The following NOS1 variants were observed in gnomAD, a reference collection of about 807,000 sequenced individuals.
NOS1 encodes the protein NOS type I.
In NOS1, 51 loss-of-function variants were observed where a neutral mutation model predicts 164.5. That is an observed-to-expected ratio of 0.31 (90% CI 0.25 to 0.39). The LOEUF is 0.39. Ranked by LOEUF, NOS1 falls within the 10% of genes least tolerant of loss-of-function variation. The pLI, the probability that NOS1 is intolerant of heterozygous loss-of-function variation, is 1.00. For synonymous variants in NOS1, 719 were observed against 745.8 expected (o/e 0.96, Z 0.59); for missense variants, 1,362 against 1,885.6 (o/e 0.72, Z 5.14).
At chr12:117,235,859 A>G (rs540534246) in intron 20 of NOS1, among the ~76,000 whole-genome samples, 13 of 152,362 alleles carry the variant, frequency 8.5e-5, no homozygotes, top group African/African-American at 2.6e-4. Context: ...CCTGGCCAAC[A>G]TGACAAAACC....
chr12:117,265,550 A>G (rs1418408505), intron 11 of NOS1, 40 bp from the exon 12 acceptor site: 6 of 1,403,778 alleles, frequency 4.3e-6, no homozygotes, highest in Non-Finnish European at 5.6e-6. Context: ...AGGTATGAGA[A>G]GCTGGGGTAT....
intron 3 of NOS1, among the ~76,000 whole-genome samples, chr12:117,304,026 G>A (rs1369407495): frequency 2.0e-5 from 3 of 152,154 alleles, no homozygotes; most frequent in Non-Finnish European, 4.4e-5. Context: ...CAAAAAATTA[G>A]CCGGGCGTGG....
intron 3 of NOS1, among the ~76,000 whole-genome samples, chr12:117,305,306 C>T (rs1874077802): frequency 6.6e-6 from 1 of 151,696 alleles, no homozygotes; most frequent in Admixed American, 6.6e-5. Flanking sequence ...ACTAAAAATA[C>T]AAAAAAAATT....
intron 1 of NOS1, among the ~76,000 whole-genome samples, chr12:117,335,516 C>T (rs1247871827): frequency 6.6e-6 from 1 of 152,080 alleles, no homozygotes; most frequent in Non-Finnish European, 1.5e-5. Context: ...GGGATGGCTG[C>T]CAATGAGAGG....
chr12:117,271,277 C>CT (rs112893883), intron 10 of NOS1, among the ~76,000 whole-genome samples: 2,403 of 141,550 alleles, frequency 0.017, 62 homozygotes, highest in African/African-American at 0.055. Flanking sequence ...ATACCGGTGG[C>CT]TTTTTTTTTT....
intron 3 of NOS1, 85 bp from the exon 4 acceptor site, chr12:117,290,511 G>C: frequency 6.7e-7 from 1 of 1,482,818 alleles, no homozygotes; most frequent in African/African-American, 1.4e-5. Context: ...GAGAGCCATT[G>C]TTCTTCCTGG....
chr12:117,341,449 A>G (rs1258961786), intron 1 of NOS1, among the ~76,000 whole-genome samples: 1 of 152,116 alleles, frequency 6.6e-6, no homozygotes, highest in Non-Finnish European at 1.5e-5. Flanking sequence ...GTTAGAATAG[A>G]TCTGGGGAAT....
chr12:117,224,925 C>CAG, intron 25 of NOS1, 91 bp downstream of exon 25: 1 of 1,533,414 alleles, frequency 6.5e-7, no homozygotes. Flanking sequence ...CGTGGAGAGA[C>CAG]ACCTTCACTG....
intron 1 of NOS1, among the ~76,000 whole-genome samples, chr12:117,359,876 T>TTTTATATATA (rs1566090779): frequency 8.1e-5 from 3 of 36,952 alleles, no homozygotes; most frequent in Non-Finnish European, 1.7e-4. Flanking sequence ...AATAATGGTT[T>TTTTATATATA]TATATATATA....
chr12:117,358,832 C>G (rs568225873), intron 1 of NOS1, among the ~76,000 whole-genome samples: 7 of 152,214 alleles, frequency 4.6e-5, no homozygotes, highest in Non-Finnish European at 1.0e-4. Context: ...TGCCCCTGAC[C>G]ATAGCGTTGG....
At chr12:117,274,972 T>C (rs1186536832) in intron 9 of NOS1, among the ~76,000 whole-genome samples, 1 of 152,030 alleles carries the variant, frequency 6.6e-6, no homozygotes, top group Non-Finnish European at 1.5e-5. Context: ...TTATATATAC[T>C]GACTACAGTC....
At chr12:117,350,522 G>A (rs1413797231) in intron 1 of NOS1, among the ~76,000 whole-genome samples, 1 of 152,186 alleles carries the variant, frequency 6.6e-6, no homozygotes, top group African/African-American at 2.4e-5. Flanking sequence ...AGTACCTTGT[G>A]TGTTTGAAAT....
intron 3 of NOS1, among the ~76,000 whole-genome samples, chr12:117,303,601 C>T (rs1033970164): frequency 8.5e-5 from 13 of 152,228 alleles, no homozygotes; most frequent in Middle Eastern, 3.4e-3. Flanking sequence ...TTCCCAGGTC[C>T]GGCCCCGTCC....
At chr12:117,348,440 C>G (rs532700765) in intron 1 of NOS1, 1 of 152,272 alleles carries the variant, frequency 6.6e-6, no homozygotes, top group African/African-American at 2.4e-5. Flanking sequence ...TTGCAAGACT[C>G]TTGTGAAGAT....
Position 117,226,729 on chromosome 12 carries a change from G to T in NOS1, c.3658C>A (p.Leu1220Ile). The T allele has an allele frequency of 6.2e-7, 1 of 1,614,056 alleles. No individual in the cohort carries two copies. Among genetic ancestry groups the T allele is most frequent in the African/African-American group, 1.3e-5 (1 of 75,014 alleles). Residue 1220 changes from leucine to isoleucine, a missense_variant, in exon 24 of 29, where the codon CTC (leucine) becomes ATC (isoleucine). Around this residue, in one of 4 missense-constraint regions of NOS1, gnomAD observed 737 missense variants for 1,030.3 expected, o/e 0.72. Coordinates refer to ENST00000317775, the MANE Select transcript of NOS1 (RefSeq NM_000620.5). Reference protein sequence around the residue: ...PIHHGVCSSWLNRIQADELVP... With the variant: ...PIHHGVCSSWINRIQADELVP... ...AGTTCGTCAGCCTGTATCCGGTTGA[G>T]CCAGGAGGAGCATACGCCGTGGTGA...
intron 5 of NOS1, among the ~76,000 whole-genome samples, chr12:117,287,789 T>C (rs555170169): frequency 2.8e-4 from 42 of 152,272 alleles, no homozygotes; most frequent in Non-Finnish European, 5.6e-4. Flanking sequence ...AATGTTTCAG[T>C]GAACATTCTT....
chr12:117,341,639 G>A (rs1370799346), intron 1 of NOS1, among the ~76,000 whole-genome samples: 1 of 152,196 alleles, frequency 6.6e-6, no homozygotes, highest in Admixed American at 6.5e-5. Context: ...AAGTGGCACA[G>A]ATGCACTTCT....
intron 3 of NOS1, among the ~76,000 whole-genome samples, chr12:117,306,810 G>C (rs1441827324): frequency 6.6e-6 from 1 of 152,136 alleles, no homozygotes; most frequent in African/African-American, 2.4e-5. Context: ...AGTAGAGATG[G>C]AGTTTCGCCA....
intron 1 of NOS1, among the ~76,000 whole-genome samples, chr12:117,335,155 C>T (rs571298733): frequency 2.0e-5 from 3 of 152,262 alleles, no homozygotes; most frequent in South Asian, 2.1e-4. Context: ...GATAACGATT[C>T]GGACTTCCTG....
Sources: gnomAD v4.1 joint callset for allele counts (sites outside exome capture counted in the v4.1 genomes callset) on GRCh38, gnomAD v4.1.1 for gene constraint, gnomAD v4.1.1 regional missense constraint, MANE v1.5 for transcripts, NCBI Gene and HGNC (gene_info 2026-07-23, HGNC 2026-07-21) for gene names.